The following TRAK1 variants were observed in gnomAD, a reference collection of about 807,000 sequenced individuals.
TRAK1 encodes trafficking kinesin-binding protein 1.
A neutral mutation model predicts 92.1 loss-of-function variants in TRAK1; 33 were observed. The ratio of observed to expected loss-of-function variants is 0.36; its 90% CI spans 0.27 to 0.48. The LOEUF is 0.48. TRAK1 is among the 20% of genes least tolerant of loss of function. The probability of loss-of-function intolerance (pLI) is 0.99; values close to 1 mark genes in which losing one functional copy is unlikely to be tolerated. For missense variants in TRAK1, 1,123 were observed against 1,257.9 expected, an observed-to-expected ratio of 0.89 and a Z score of 1.62; for synonymous variants, 521 against 517.3, an observed-to-expected ratio of 1.01 and a Z score of -0.10.
At chr3:42,147,997 CAGA>C (rs1699527873) in intron 2 of TRAK1, among the ~76,000 whole-genome samples, 1 of 150,646 alleles carries the variant, frequency 6.6e-6, no homozygotes, top group South Asian at 2.1e-4. Context: ...ATTTTACACA[CAGA>C]AGCAGACATA....
At chr3:42,016,798 G>A (rs111815060) in intron 1 of TRAK1, among the ~76,000 whole-genome samples, 2,119 of 152,276 alleles carry the variant, frequency 0.014, 45 homozygotes, top group African/African-American at 0.048. Context: ...AGTAAGAAAG[G>A]CATTGGAGGG....
At chr3:42,199,286 C>G (rs776790673) in intron 11 of TRAK1, 33 bp downstream of exon 11, 1 of 1,610,736 alleles carries the variant, frequency 6.2e-7, no homozygotes, top group East Asian at 2.2e-5. Context: ...TTTGAGATTC[C>G]CAGAGACCAA....
intron 1 of TRAK1, among the ~76,000 whole-genome samples, chr3:42,027,150 AAAT>A (rs1167859725): frequency 2.0e-5 from 3 of 152,226 alleles, no homozygotes; most frequent in Non-Finnish European, 4.4e-5. Context: ...TTTATTTCAA[AAAT>A]AATGAGATAA....
In TRAK1 at chr3:42,202,538, C is replaced by G. The variant is rs773874748; in HGVS notation, c.1530C>G (p.Leu510=). 6.4e-7 allele frequency: 1 copy of G among 1,568,340 alleles called. No individual in the cohort carries two copies. Among genetic ancestry groups the G allele is most frequent in the Non-Finnish European group, 8.7e-7 (1 of 1,150,454 alleles). The change falls in exon 13 of 16, where the codon CTC becomes CTG. Residue 510 remains leucine, a synonymous_variant. Coordinates refer to ENST00000327628, the MANE Select transcript of TRAK1 (RefSeq NM_001042646.3). This position sits in a 1 kb window ranked among gnomAD's most constrained non-coding sequence, Gnocchi z 6.1. Reference sequence around the variant, plus strand: ...TGTCCCTGCGCCGGGAGAACTACCTCTCGGAGAGGAGGTTCTTTGAGGAGG... The same window carrying G: ...TGTCCCTGCGCCGGGAGAACTACCTGTCGGAGAGGAGGTTCTTTGAGGAGG... ...RRLSLRRENY[L]SERRFFEEEQ... is the part of the protein sequence containing the mutation.
intron 3 of TRAK1, 91 bp from the exon 4 acceptor site, chr3:42,184,593 CT>C: frequency 8.4e-7 from 1 of 1,194,892 alleles, no homozygotes; most frequent in Non-Finnish European, 1.2e-6. Context: ...TTTCTAGATG[CT>C]TATGTTTTCC....
At chr3:42,160,562 T>TTC in intron 2 of TRAK1, 1 of 1,313,250 alleles carries the variant, frequency 7.6e-7, no homozygotes, top group Non-Finnish European at 1.0e-6. Flanking sequence ...AGCACTGTTT[T>TTC]GTTTTTGTTT....
rs766666595 is a variant in TRAK1 at position 42,202,707 on chromosome 3, C to T, written c.1699C>T (p.Arg567Cys). Residue 567 changes from arginine (R) to cysteine (C), a missense_variant, in exon 13 of 16, where the codon CGC becomes TGC. Physicochemically the swap from Arg to Cys is radical, Grantham distance 180. This residue lies in a region of TRAK1 where 686 missense variants were observed against 747.6 expected (regional missense o/e 0.92). Coordinates refer to ENST00000327628, the MANE Select transcript of TRAK1 (RefSeq NM_001042646.3). This position sits in a 1 kb window ranked among gnomAD's most constrained non-coding sequence, Gnocchi z 6.1. Reference sequence around the variant, plus strand: ...CTTCTCTGGCATGTCCTTCAGCAGCCGCTCCTACCTGCCTGAGAAGCTCCA... The same window carrying T: ...CTTCTCTGGCATGTCCTTCAGCAGCTGCTCCTACCTGCCTGAGAAGCTCCA... ...TGFSGMSFSS[R>C]SYLPEKLQIV... The T allele has an allele frequency of 2.5e-6, 4 of 1,613,962 alleles. No individual in the cohort carries two copies. The highest frequency in any genetic ancestry group is 1.1e-5 in the South Asian group (1 of 91,074).
Position 42,225,844 on chromosome 3 carries a change from G to GAAAGTGTT in TRAK1, c.*2108_*2115dup, listed in dbSNP as rs1710702867. On this transcript the variant is annotated 3_prime_UTR_variant, in exon 16 of 16. Transcript: ENST00000327628. ...GAGACGATCTCTTTATGTAAGACTTGAAAGTGTTTAGCTCTTTGCAAAATT... is the reference window on the plus strand; with the variant it reads ...GAGACGATCTCTTTATGTAAGACTTGAAAGTGTTAAAGTGTTTAGCTCTTTGCAAAATT... The GAAAGTGTT allele has an allele frequency of 6.6e-6, 1 of 152,140 alleles. No individual in the cohort carries two copies. The highest frequency in any genetic ancestry group is 6.5e-5 in the Admixed American group (1 of 15,278). The allele number at this position is 152,140 out of a possible 1,614,324, so 9.4% of individuals were successfully genotyped here.
chr3:42,198,547 G>A (rs966920806), intron 10 of TRAK1, among the ~76,000 whole-genome samples: 12 of 152,186 alleles, frequency 7.9e-5, no homozygotes, highest in Non-Finnish European at 1.5e-4. Flanking sequence ...TGAGAGCAGG[G>A]ACCTAGAGAT....
At chr3:42,069,185 A>G (rs536464884) in intron 1 of TRAK1, among the ~76,000 whole-genome samples, 94 of 152,182 alleles carry the variant, frequency 6.2e-4, no homozygotes, top group African/African-American at 1.9e-3. Context: ...ACACACAATT[A>G]GCTGGGCGTG....
At chr3:42,130,830 T>C (rs1325157740) in intron 2 of TRAK1, among the ~76,000 whole-genome samples, 3 of 152,154 alleles carry the variant, frequency 2.0e-5, no homozygotes, top group African/African-American at 7.2e-5. Flanking sequence ...CCAACCATCA[T>C]TGTTCACATG....
rs370590324 is a variant in TRAK1 at position 42,102,982 on chromosome 3, C to T, written c.91+11422C>T. Among the ~76,000 whole-genome samples, 50 of 152,280 alleles carry T rather than the reference C, an allele frequency of 3.3e-4. 1 individual carries two copies. In the South Asian group the frequency reaches 9.3e-3, roughly 28 times the overall value. On this transcript the variant is annotated intron_variant, in intron 1 of 15. Transcript: ENST00000327628. ...CTTCATTGAGATATAATTCATGCTT[C>T]ATACAGTTCATCCATATAAAGTGTA...
intron 6 of TRAK1, among the ~76,000 whole-genome samples, chr3:42,189,795 T>C (rs979797101): frequency 2.6e-5 from 4 of 152,194 alleles, no homozygotes; most frequent in Non-Finnish European, 4.4e-5. Context: ...CCTCCCAAAG[T>C]GCTGGGGTTA....
Position 42,223,202 on chromosome 3 carries a change from C to G in TRAK1, c.2327C>G (p.Ala776Gly), listed in dbSNP as rs1286853941. Reference sequence around the variant, plus strand: ...CTGCACTCCTACACGCCCAAGATGGCTGTGATCCCCTCTACTCCGCCGAAC... The same window carrying G: ...CTGCACTCCTACACGCCCAAGATGGGTGTGATCCCCTCTACTCCGCCGAAC... The part of the protein sequence containing the change: ...SLLHSYTPKM[A>G]VIPSTPPNSP... The change falls in exon 16 of 16, where the codon GCT (alanine) becomes GGT (glycine). Residue 776 changes from alanine (A) to glycine (G), a missense_variant. Ala to Gly is a moderately conservative substitution (Grantham distance 60). Transcript: ENST00000327628. The surrounding 1 kb of genome is among the most constrained non-coding windows in gnomAD (Gnocchi z 6.1). 6.2e-7 allele frequency: 1 copy of G among 1,614,172 alleles called. No homozygotes were observed. The highest frequency in any genetic ancestry group is 1.7e-5 in the Admixed American group (1 of 60,030).
rs561118214 is a variant in TRAK1 at position 42,154,695 on chromosome 3, T to C, written c.287-22119T>C. 5.3e-5 allele frequency among the ~76,000 whole-genome samples: 8 copies of C among 152,296 alleles called. No homozygotes were observed. The East Asian group carries it at 1.5e-3, about 29-fold the overall frequency. On this transcript the variant is annotated intron_variant, in intron 2 of 15. Transcript: ENST00000327628. ...ATCCTCCTGTCTCAGCCTCTCAAAGTGCTGGGATTACAGGTGTGAGCCTCT... is the reference window on the plus strand; with the variant it reads ...ATCCTCCTGTCTCAGCCTCTCAAAGCGCTGGGATTACAGGTGTGAGCCTCT...
intron 2 of TRAK1, among the ~76,000 whole-genome samples, chr3:42,130,244 T>C (rs1336572383): frequency 6.6e-6 from 1 of 152,036 alleles, no homozygotes; most frequent in East Asian, 1.9e-4. Flanking sequence ...TTTAGGTGGC[T>C]ATGCAACTCT....
intron 1 of TRAK1, among the ~76,000 whole-genome samples, chr3:42,124,145 A>G (rs954112935): frequency 9.2e-5 from 14 of 152,138 alleles, no homozygotes; most frequent in Admixed American, 3.9e-4. Flanking sequence ...CTTAAAAAAA[A>G]AAAAAAGAAT....
intron 1 of TRAK1, among the ~76,000 whole-genome samples, chr3:42,024,915 A>G (rs979925718): frequency 1.3e-5 from 2 of 152,134 alleles, no homozygotes; most frequent in Non-Finnish European, 2.9e-5. Flanking sequence ...TTCTCTTCCA[A>G]TTGCTAGGGA....
intron 2 of TRAK1, among the ~76,000 whole-genome samples, chr3:42,157,356 G>T (rs1700655484): frequency 6.7e-6 from 1 of 149,616 alleles, no homozygotes; most frequent in Non-Finnish European, 1.5e-5. Context: ...CTACTTAGGA[G>T]GCTGAGGCGG....
Sources: gnomAD v4.1 joint callset for allele counts (sites outside exome capture counted in the v4.1 genomes callset) on GRCh38, gnomAD v4.1.1 for gene constraint, gnomAD v4.1.1 regional missense constraint, Gnocchi (gnomAD v3.1) non-coding constraint, MANE v1.5 for transcripts, NCBI Gene and HGNC (gene_info 2026-07-23, HGNC 2026-07-21) for gene names.